The following ACACA variants were observed in gnomAD, a reference collection of about 807,000 sequenced individuals.
ACACA encodes the protein acetyl-CoA carboxylase alpha, also known as acetyl-CoA carboxylase 1.
A neutral mutation model predicts 296.1 loss-of-function variants in ACACA; 103 were observed. The observed-to-expected ratio is 0.35, with a 90% confidence interval of 0.30 to 0.41. The LOEUF is 0.41. Among genes scored for constraint, ACACA ranks in the 10% least tolerant of loss-of-function variants. ACACA has a pLI of 1.00. For synonymous variants in ACACA, 953 were observed against 1,038.6 expected (o/e 0.92, Z 1.58); for missense variants, 1,554 against 2,989.7 (o/e 0.52, Z 11.20).
At position 37,121,375 on chromosome 17, in the gene ACACA, C is replaced by G; in HGVS notation, c.6254G>C (p.Gly2085Ala). The change falls in exon 50 of 56, where the codon GGC (glycine) becomes GCC (alanine). Residue 2085 changes from glycine (G) to alanine (A), a missense_variant. Coordinates refer to ENST00000616317, the MANE Select transcript of ACACA (RefSeq NM_198834.3). ...GTCACCTTTCATTCCACCAGAGAAG[C>G]CTCTCCAGTTGGCAAAGACCATCAG... Reference protein sequence around the residue: ...LPLMVFANWRGFSGGMKDMYD... With the variant: ...LPLMVFANWRAFSGGMKDMYD... The G allele has an allele frequency of 6.2e-7, 1 of 1,614,138 alleles. No homozygotes were observed. Among genetic ancestry groups the G allele is most frequent in the Non-Finnish European group, 8.5e-7 (1 of 1,180,016 alleles).
intron 1 of ACACA, among the ~76,000 whole-genome samples, chr17:37,366,713 C>T (rs1378959079): frequency 1.3e-5 from 2 of 151,962 alleles, no homozygotes; most frequent in Non-Finnish European, 1.5e-5. Context: ...GTGATCCACC[C>T]GCCTTAGCCT....
chr17:37,181,543 A>C (rs750852142), intron 39 of ACACA, among the ~76,000 whole-genome samples, 187 bp from the exon 40 acceptor site: 3 of 152,064 alleles, frequency 2.0e-5, no homozygotes, highest in Non-Finnish European at 4.4e-5. Context: ...CCAACTCCAA[A>C]AAATATATAT....
At chr17:37,294,447 T>C (rs991248141) in intron 3 of ACACA, among the ~76,000 whole-genome samples, 1 of 152,180 alleles carries the variant, frequency 6.6e-6, no homozygotes, top group Admixed American at 6.5e-5. Context: ...TGCATACAAA[T>C]AAACACATCT....
intron 3 of ACACA, among the ~76,000 whole-genome samples, chr17:37,323,122 C>G (rs1049948988): frequency 3.9e-5 from 6 of 152,386 alleles, no homozygotes; most frequent in African/African-American, 1.4e-4. Context: ...GTCGCAGACA[C>G]CACCCCAAGA....
intron 45 of ACACA, among the ~76,000 whole-genome samples, chr17:37,147,663 A>C (rs1047196982): frequency 6.6e-6 from 1 of 152,230 alleles, no homozygotes; most frequent in Non-Finnish European, 1.5e-5. Context: ...AAGATAGTGA[A>C]GCAGGCAGAG....
chr17:37,251,462 A>G (rs2080991839), intron 16 of ACACA, among the ~76,000 whole-genome samples: 1 of 152,248 alleles, frequency 6.6e-6, no homozygotes, highest in Admixed American at 6.5e-5. Context: ...CTGTGATTAA[A>G]GTGCTTTAAA....
intron 1 of ACACA, among the ~76,000 whole-genome samples, chr17:37,349,980 T>C (rs1179172286): frequency 6.6e-6 from 1 of 152,098 alleles, no homozygotes; most frequent in Non-Finnish European, 1.5e-5. Context: ...CTGACATCCT[T>C]GTATGATGTG....
At chr17:37,318,204 T>C (rs979920911) in intron 3 of ACACA, among the ~76,000 whole-genome samples, 1 of 152,176 alleles carries the variant, frequency 6.6e-6, no homozygotes, top group Admixed American at 6.5e-5. Context: ...AACCAATAGA[T>C]AGGAAGCAGG....
At chr17:37,388,659 C>A (rs2050656414) in intron 1 of ACACA, 1 of 1,610,930 alleles carries the variant, frequency 6.2e-7, no homozygotes. Context: ...CCACTCCCCT[C>A]TCTCCTTTAG....
intron 27 of ACACA, among the ~76,000 whole-genome samples, chr17:37,224,166 C>T (rs185377654): frequency 3.0e-4 from 46 of 152,324 alleles, no homozygotes; most frequent in Non-Finnish European, 5.1e-4. Flanking sequence ...TATGCCACTG[C>T]ACTCCAGCCT....
chr17:37,332,080 T>C (rs17575843), intron 2 of ACACA, among the ~76,000 whole-genome samples: 33 of 152,190 alleles, frequency 2.2e-4, no homozygotes, highest in Admixed American at 3.3e-4. Flanking sequence ...TTTCTAAATG[T>C]AGGGCCTTAC....
At chr17:37,240,997 A>G (rs1465072469) in intron 23 of ACACA, among the ~76,000 whole-genome samples, 1 of 152,182 alleles carries the variant, frequency 6.6e-6, no homozygotes. Context: ...GCTCCAGACC[A>G]GCCTAGGCAA....
At chr17:37,343,830 T>G (rs1013745945) in intron 1 of ACACA, among the ~76,000 whole-genome samples, 17 of 152,030 alleles carry the variant, frequency 1.1e-4, no homozygotes, top group Admixed American at 2.6e-4. Flanking sequence ...TTGTCATTTA[T>G]TTTTTAATGG....
rs547815615 is a variant in ACACA, at chr17:37,243,726, T to C, written c.2743-167A>G. Among the ~76,000 whole-genome samples the C allele has an allele frequency of 5.9e-5, 9 of 152,272 alleles. No homozygotes were observed. In the South Asian group the frequency reaches 8.3e-4, roughly 14 times the overall value. On this transcript the variant is annotated intron_variant, in intron 21 of 55. Transcript: ENST00000616317. ...CTACGGAACCCATGTATAGAAATAG[T>C]TGTGGGTTCCATATCTCATCAATAC...
intron 14 of ACACA, among the ~76,000 whole-genome samples, chr17:37,256,565 T>G (rs2081237848): frequency 6.6e-6 from 1 of 152,164 alleles, no homozygotes; most frequent in Non-Finnish European, 1.5e-5. Context: ...AGACCCCATC[T>G]CTACAAAAAA....
chr17:37,268,642 T>C lies in ACACA; in HGVS notation c.1119+2109A>G, dbSNP rs575065374. Among the ~76,000 whole-genome samples the C allele has an allele frequency of 1.2e-3, 183 of 151,900 alleles. 1 individual carries two copies. Among genetic ancestry groups the C allele is most frequent in the East Asian group, 7.7e-4 (4 of 5,174 alleles). ...ATCTCTGGGTTTCCTTTTTCTCTTG[T>C]ATGTTAGCCCCATAATTCTTCACTG... On this transcript the variant is annotated intron_variant, in intron 10 of 55. Coordinates refer to ENST00000616317, the MANE Select transcript of ACACA (RefSeq NM_198834.3).
chr17:37,161,486 T>C (rs943385752), intron 42 of ACACA: 11 of 442,288 alleles, frequency 2.5e-5, no homozygotes, highest in African/African-American at 6.0e-5. Context: ...AATAAAGATA[T>C]ATATTTTTGA....
At chr17:37,170,630 A>AT (rs2076848882) in intron 41 of ACACA, among the ~76,000 whole-genome samples, 3 of 152,224 alleles carry the variant, frequency 2.0e-5, no homozygotes, top group Non-Finnish European at 2.9e-5. Context: ...CCATATATGT[A>AT]TTTTTTCTGC....
At chr17:37,336,109 G>A (rs1369327091) in intron 2 of ACACA, among the ~76,000 whole-genome samples, 1 of 151,998 alleles carries the variant, frequency 6.6e-6, no homozygotes, top group African/African-American at 2.4e-5. Context: ...TTCCAGAATC[G>A]AAGCAGTAAA....
Sources: allele counts gnomAD v4.1 joint callset (sites outside exome capture counted in the v4.1 genomes callset), GRCh38; gene constraint gnomAD v4.1.1; transcripts MANE v1.5; gene names NCBI Gene and HGNC (gene_info 2026-07-23, HGNC 2026-07-21).